INSC: variants seen among roughly 807,000 people sequenced by gnomAD.
The protein encoded by INSC is INSC spindle orientation adaptor protein, also known as protein inscuteable homolog.
In INSC, 67 loss-of-function variants were observed where a neutral mutation model predicts 58.6. The ratio of observed to expected loss-of-function variants is 1.14; its 90% CI spans 0.94 to 1.40. INSC has a LOEUF of 1.40. Ranked by LOEUF, INSC falls within the 40% of genes most tolerant of loss-of-function variation. INSC has a pLI of 0.00. For missense variants in INSC, 714 were observed against 692.0 expected, an observed-to-expected ratio of 1.03 and a Z score of -0.36; for synonymous variants, 262 against 276.1, an observed-to-expected ratio of 0.95 and a Z score of 0.51.
chr11:15,219,723 G>A (rs552605781), intron 7 of INSC, among the ~76,000 whole-genome samples: 4 of 152,286 alleles, frequency 2.6e-5, no homozygotes, highest in Admixed American at 6.5e-5. Flanking sequence ...TTAAGGAGAC[G>A]GGATTGATTG....
chr11:15,111,741 G>A (rs1230268493), upstream of INSC, among the ~76,000 whole-genome samples: 5 of 152,162 alleles, frequency 3.3e-5, no homozygotes, highest in Non-Finnish European at 7.3e-5. Context: ...GTATTATGGG[G>A]ATAATAATAA....
chr11:15,184,442 C>CTGGA (rs763230094), intron 5 of INSC: 1 of 190,810 alleles, frequency 5.2e-6, no homozygotes, highest in East Asian at 1.7e-4. Context: ...TGTCACCAGG[C>CTGGA]TGGAGTGCAG....
chr11:15,248,133 GA>G (rs1590024412), downstream of INSC, among the ~76,000 whole-genome samples: 1 of 152,316 alleles, frequency 6.6e-6, no homozygotes, highest in East Asian at 1.9e-4. Context: ...GCATACAGTA[GA>G]AGTGCCTGAA....
At position 15,221,510 on chromosome 11, in the gene INSC, A is replaced by G. The variant is rs777713469; in HGVS notation, c.853A>G (p.Thr285Ala). The G allele has an allele frequency of 6.2e-7, 1 of 1,613,350 alleles. No homozygotes were observed. The highest frequency in any genetic ancestry group is 1.7e-5 in the Admixed American group (1 of 59,922). ...DGVLCLADILTDNSHSEATRA... is the reference protein window; with the variant it reads ...DGVLCLADILADNSHSEATRA... ...CGTTCTGTGCTTGGCCGACATCCTG[A>G]CCGACAACAGCCACTCAGAGGCCAC... Residue 285 changes from threonine (T) to alanine (A), a missense_variant, in exon 8 of 13, where the codon ACC becomes GCC. Physicochemically the swap from Thr to Ala is moderately conservative, Grantham distance 58. Coordinates refer to ENST00000379556, the MANE Select transcript of INSC (RefSeq NM_001042536.3).
chr11:15,241,665 A>G (rs1852361672), intron 12 of INSC: 2 of 702,770 alleles, frequency 2.8e-6, no homozygotes, highest in Admixed American at 2.0e-5. Context: ...ATCTTTTTGT[A>G]TCTTTGGTAC....
chr11:15,123,996 A>AG, intron 1 of INSC, among the ~76,000 whole-genome samples: 1 of 152,320 alleles, frequency 6.6e-6, no homozygotes, highest in East Asian at 1.9e-4. Context: ...CATCAGCACT[A>AG]GGACAGAACA....
intron 8 of INSC, among the ~76,000 whole-genome samples, chr11:15,223,515 A>C (rs1564912779): frequency 1.3e-5 from 2 of 152,200 alleles, no homozygotes; most frequent in Non-Finnish European, 1.5e-5. Flanking sequence ...TCTTCCTAAC[A>C]CATCCCAGGT....
At chr11:15,244,701 G>A (rs1361344229) in intron 12 of INSC, among the ~76,000 whole-genome samples, 1 of 152,130 alleles carries the variant, frequency 6.6e-6, no homozygotes, top group Non-Finnish European at 1.5e-5. Flanking sequence ...GCAGCATCAT[G>A]TAGGGATTAA....
Position 15,245,942 on chromosome 11 carries a change from C to T in INSC, c.1501C>T (p.Pro501Ser). Residue 501 changes from proline to serine, a missense_variant, in exon 13 of 13, where the codon CCT becomes TCT. Pro to Ser is a moderately conservative substitution (Grantham distance 74). Coordinates refer to ENST00000379556, the MANE Select transcript of INSC (RefSeq NM_001042536.3). ...TCTGCGTAGATTGGCTGGGGTCTGC[C>T]CTGAAGGCCTCCAGGACTCTGACTT... ...AALRRLAGVC[P>S]EGLQDSDFQQ... 1 of 1,614,172 alleles carries T rather than the reference C, an allele frequency of 6.2e-7. No homozygotes were observed. The highest frequency in any genetic ancestry group is 8.5e-7 in the Non-Finnish European group (1 of 1,180,004).
chr11:15,137,640 G>GTA (rs2133718555), intron 1 of INSC, among the ~76,000 whole-genome samples: 1 of 152,258 alleles, frequency 6.6e-6, no homozygotes, highest in South Asian at 2.1e-4. Context: ...CTTTTCTCCT[G>GTA]TAGTTTCCTC....
At chr11:15,136,348 T>C (rs1393097034) in intron 1 of INSC, among the ~76,000 whole-genome samples, 1 of 152,186 alleles carries the variant, frequency 6.6e-6, no homozygotes, top group Non-Finnish European at 1.5e-5. Context: ...TGATGTCTGC[T>C]GACTAATCAG....
chr11:15,268,297 A>G, the INSC span, among the ~76,000 whole-genome samples: 1 of 152,038 alleles, frequency 6.6e-6, no homozygotes, highest in Admixed American at 6.6e-5. Flanking sequence ...TTAATTACAA[A>G]ACTCAGATAT....
At chr11:15,150,763 T>A (rs1345987290) in intron 2 of INSC, among the ~76,000 whole-genome samples, 1 of 152,152 alleles carries the variant, frequency 6.6e-6, no homozygotes, top group Non-Finnish European at 1.5e-5. Context: ...CTGAGTCTCC[T>A]GGGATGCTTT....
At chr11:15,166,716 A>G (rs1007142128) in intron 2 of INSC, among the ~76,000 whole-genome samples, 4 of 152,188 alleles carry the variant, frequency 2.6e-5, no homozygotes, top group African/African-American at 7.2e-5. Flanking sequence ...TTACATATTT[A>G]TTGATACCTA....
At chr11:15,164,050 T>C (rs1290117983) in intron 2 of INSC, among the ~76,000 whole-genome samples, 2 of 152,200 alleles carry the variant, frequency 1.3e-5, no homozygotes, top group Non-Finnish European at 2.9e-5. Flanking sequence ...ACATTTCCTT[T>C]CTGATAATTT....
At position 15,201,068 on chromosome 11, in the gene INSC, C is replaced by A. The variant is rs747292222; in HGVS notation, c.819+119C>A. 9.5e-5 allele frequency: 121 copies of A among 1,271,946 alleles called. 1 individual carries two copies. The highest frequency in any genetic ancestry group is 3.9e-5 in the Non-Finnish European group (36 of 933,356). 78.8% of individuals were successfully genotyped at this position (1,271,946 alleles called of 1,614,324 possible). On this transcript the variant is annotated intron_variant, in intron 7 of 12. Coordinates refer to ENST00000379556, the MANE Select transcript of INSC (RefSeq NM_001042536.3). ...CCAAGTGCCTCGAGTAGTCCTTTTC[C>A]CAGGCACCATTCGGATAGGGTGGCT...
chr11:15,150,317 G>C (rs369692351), intron 2 of INSC, among the ~76,000 whole-genome samples: 13 of 152,346 alleles, frequency 8.5e-5, no homozygotes, highest in African/African-American at 3.1e-4. Flanking sequence ...ATGATAGGCA[G>C]ATAGTAGCAG....
At chr11:15,157,454 G>C (rs1311295885) in intron 2 of INSC, among the ~76,000 whole-genome samples, 1 of 152,224 alleles carries the variant, frequency 6.6e-6, no homozygotes, top group Non-Finnish European at 1.5e-5. Flanking sequence ...TGCATGGTGA[G>C]ATGGCAGCTC....
intron 5 of INSC, among the ~76,000 whole-genome samples, chr11:15,181,538 T>A (rs1490876709): frequency 6.6e-6 from 1 of 152,150 alleles, no homozygotes; most frequent in Non-Finnish European, 1.5e-5. Context: ...GGACTAAAGC[T>A]GCTGAAAGAA....
Sources: gnomAD v4.1 joint callset for allele counts (sites outside exome capture counted in the v4.1 genomes callset) on GRCh38, gnomAD v4.1.1 for gene constraint, MANE v1.5 for transcripts, NCBI Gene and HGNC (gene_info 2026-07-23, HGNC 2026-07-21) for gene names.